The following ZNF583 variants were observed in gnomAD, a reference collection of about 807,000 sequenced individuals.
ZNF583 encodes zinc finger protein L3-5.
A neutral mutation model predicts 55.3 loss-of-function variants in ZNF583; 30 were observed. The observed-to-expected ratio is 0.54, with a 90% CI of 0.41 to 0.74. The LOEUF (loss-of-function observed/expected upper bound fraction) is 0.74, where lower values mean the gene tolerates loss of function less well. ZNF583 is among the 30% of genes least tolerant of loss of function. The pLI, the probability that ZNF583 is intolerant of heterozygous loss-of-function variation, is 0.00. For synonymous variants in ZNF583, 208 were observed against 220.0 expected, an observed-to-expected ratio of 0.95 and a Z score of 0.48; for missense variants, 504 against 664.7, an observed-to-expected ratio of 0.76 and a Z score of 2.66.
Position 56,414,098 on chromosome 19 carries a change from C to T in ZNF583, c.136+13C>T, listed in dbSNP as rs1459261125. 1 of 1,570,352 alleles carries T rather than the reference C, an allele frequency of 6.4e-7. No homozygotes were observed. Among genetic ancestry groups the T allele is most frequent in the African/African-American group, 1.4e-5 (1 of 73,158 alleles). The stretch of plus-strand genomic sequence containing the variant: ...TTGGTATCATTGGGTAAGGACATGT[C>T]CCCTTAATTCAGAATCTGTACATGG... On this transcript the variant is annotated intron_variant, in intron 3 of 4. Transcript: ENST00000333201.
intron 4 of ZNF583, chr19:56,421,481 GA>G (rs1345268435): frequency 1.5e-5 from 15 of 985,230 alleles, no homozygotes; most frequent in Non-Finnish European, 1.8e-5. Context: ...GTGGAATTTG[GA>G]AGGGCACTGA....
rs370578438 is a variant in ZNF583, at chr19:56,423,357, T to A, written c.699T>A (p.Ile233=). ...QSSSLTLHQR[I]HTGEKPYACV... ...CATCCCTTACTCTTCATCAGAGAAT[T>A]CATACTGGAGAGAAACCCTATGCAT... The change falls in exon 5 of 5, where the codon ATT becomes ATA. Residue 233 remains isoleucine, a synonymous_variant. Transcript: ENST00000333201. 42 of 1,613,968 alleles carry A rather than the reference T, an allele frequency of 2.6e-5. No homozygotes were observed. The highest frequency in any genetic ancestry group is 3.5e-5 in the Non-Finnish European group (41 of 1,179,984).
intron 4 of ZNF583, among the ~76,000 whole-genome samples, chr19:56,420,608 T>G (rs1335375436): frequency 6.6e-6 from 1 of 152,212 alleles, no homozygotes; most frequent in Non-Finnish European, 1.5e-5. Context: ...GCACAGACAT[T>G]AAAGATTATT....
At position 56,409,541 on chromosome 19, in the gene ZNF583, G is replaced by T. The variant is rs534004084; in HGVS notation, c.9+2418G>T. ...TTTTGAGATGGGGTCTCACTATTTT[G>T]CCCAGGCTGGTTTTGAACTTCTGGC... On this transcript the variant is annotated intron_variant, in intron 2 of 4. Transcript: ENST00000333201. Among the ~76,000 whole-genome samples, 8 of 152,092 alleles carry T rather than the reference G, an allele frequency of 5.3e-5. No individual in the cohort carries two copies. The South Asian group carries it at 1.7e-3, about 32-fold the overall frequency.
At chr19:56,422,783 A>T (rs2042436164) in intron 4 of ZNF583, 108 bp from the exon 5 acceptor site, 1 of 751,968 alleles carries the variant, frequency 1.3e-6, no homozygotes, top group African/African-American at 1.8e-5. Flanking sequence ...AATGCATTAT[A>T]AGCTTTTAAA....
In ZNF583 at chr19:56,424,561, C is replaced by G. The variant is rs2042475131; in HGVS notation, c.*193C>G. ...AATATGTTTAATCTCATTTCTCCCT[C>G]ATTAAAATCCCTCAGTGGCATCCCA... On this transcript the variant is annotated 3_prime_UTR_variant, in exon 5 of 5. Coordinates refer to ENST00000333201, the MANE Select transcript of ZNF583 (RefSeq NM_152478.3). The G allele has an allele frequency of 5.9e-6, 3 of 506,840 alleles. No homozygotes were observed. The East Asian group carries it at 9.2e-5, about 16-fold the overall frequency. 31.4% of individuals were successfully genotyped at this position (506,840 alleles called of 1,614,324 possible).
intron 2 of ZNF583, among the ~76,000 whole-genome samples, chr19:56,410,333 A>T (rs1457372952): frequency 6.6e-6 from 1 of 152,216 alleles, no homozygotes; most frequent in Non-Finnish European, 1.5e-5. Context: ...CCTGGTCTCA[A>T]TGGAGAGAAT....
At chr19:56,421,763 G>C (rs1165090702) in intron 4 of ZNF583, among the ~76,000 whole-genome samples, 1 of 151,956 alleles carries the variant, frequency 6.6e-6, no homozygotes, top group Non-Finnish European at 1.5e-5. Flanking sequence ...TCAAGGGTGA[G>C]AAAAAAACTT....
intron 4 of ZNF583, among the ~76,000 whole-genome samples, chr19:56,418,607 CTTTACA>C (rs1056072997): frequency 6.6e-5 from 10 of 152,096 alleles, no homozygotes; most frequent in African/African-American, 2.4e-4. Context: ...TTTATATTAG[CTTTACA>C]TCTTATGACC....
chr19:56,420,601 C>G (rs1285885040), intron 4 of ZNF583, among the ~76,000 whole-genome samples: 2 of 152,152 alleles, frequency 1.3e-5, no homozygotes, highest in South Asian at 2.1e-4. Flanking sequence ...ATTAGGTGCA[C>G]AGACATTAAA....
At chr19:56,421,652 A>G in intron 4 of ZNF583, 1 of 276,356 alleles carries the variant, frequency 3.6e-6, no homozygotes, top group Non-Finnish European at 5.5e-6. Flanking sequence ...TTCTAATAAG[A>G]GGATGAATTA....
rs1163628746 is a variant in ZNF583, at chr19:56,404,605, CTG to C, written c.-90+158_-90+159del. ...GAATCGTGTGTGAGACCATGTGTGA[CTG>C]TGTGAGAATTTGAGACCGTGTGTGA... On this transcript the variant is annotated intron_variant, in intron 1 of 4. Transcript: ENST00000333201. This position sits in a 1 kb window ranked among gnomAD's most constrained non-coding sequence, Gnocchi z 5.2. Among the ~76,000 whole-genome samples the C allele has an allele frequency of 6.6e-6, 1 of 151,752 alleles. No individual in the cohort carries two copies. The highest frequency in any genetic ancestry group is 2.4e-5 in the African/African-American group (1 of 41,282).
rs2042457043 is a variant in ZNF583, at chr19:56,423,689, G to T, written c.1031G>T (p.Arg344Ile). 1.2e-6 allele frequency: 2 copies of T among 1,613,978 alleles called. No homozygotes were observed. Among genetic ancestry groups the T allele is most frequent in the Admixed American group, 1.7e-5 (1 of 59,978 alleles). ...SNGSFLAQHQ[R>I]IHTGEKPYVC... The stretch of plus-strand genomic sequence containing the variant: ...GGTTCATTTCTTGCTCAGCATCAGA[G>T]AATTCATACAGGAGAGAAACCTTAT... Residue 344 changes from arginine to isoleucine, a missense_variant, in exon 5 of 5, where the codon AGA (arginine) becomes ATA (isoleucine). Arg to Ile is a moderately conservative substitution (Grantham distance 97). Transcript: ENST00000333201.
intron 4 of ZNF583, among the ~76,000 whole-genome samples, chr19:56,418,537 T>C (rs1254606573): frequency 5.3e-5 from 8 of 152,368 alleles, no homozygotes; most frequent in Admixed American, 5.2e-4. Flanking sequence ...AAATAGAATT[T>C]TTTTTAACAA....
At chr19:56,414,674 C>G in intron 4 of ZNF583, 1 of 437,222 alleles carries the variant, frequency 2.3e-6, no homozygotes, top group Non-Finnish European at 4.1e-6. Flanking sequence ...ACCCATTTTC[C>G]TATTGTTGGA....
Position 56,423,290 on chromosome 19 carries a change from T to C in ZNF583, c.632T>C (p.Leu211Pro), listed in dbSNP as rs748142208. 12 of 1,608,622 alleles carry C rather than the reference T, an allele frequency of 7.5e-6. No homozygotes were observed. In the Admixed American group the frequency reaches 1.9e-4, roughly 25 times the overall value. Residue 211 changes from leucine (L) to proline (P), a missense_variant, in exon 5 of 5, where the codon CTT becomes CCT. By Grantham distance (98) the Leu-to-Pro change is moderately conservative. Coordinates refer to ENST00000333201, the MANE Select transcript of ZNF583 (RefSeq NM_152478.3). ...KHRKVYVEKK[L>P]LKCNDCEKVF... The stretch of plus-strand genomic sequence containing the variant: ...AGGAAAGTCTATGTAGAAAAGAAAC[T>C]TTTGAAATGTAATGATTGTGAGAAA...
Position 56,425,401 on chromosome 19 carries a change from G to C in ZNF583, c.*1033G>C, listed in dbSNP as rs564858590. On this transcript the variant is annotated 3_prime_UTR_variant, in exon 5 of 5. Coordinates refer to ENST00000333201, the MANE Select transcript of ZNF583 (RefSeq NM_152478.3). ...ATTTTTGTATTTTTAGTAGAGAGAGGGTTTTGACATGTCGGCCAGGCTTTT... is the reference window on the plus strand; with the variant it reads ...ATTTTTGTATTTTTAGTAGAGAGAGCGTTTTGACATGTCGGCCAGGCTTTT... The C allele has an allele frequency of 6.6e-6, 1 of 152,064 alleles. No homozygotes were observed. The highest frequency in any genetic ancestry group is 6.6e-5 in the Admixed American group (1 of 15,246). 9.4% of individuals were successfully genotyped at this position (152,064 alleles called of 1,614,324 possible).
In ZNF583 at chr19:56,423,490, A is replaced by G. The variant is rs1385633608; in HGVS notation, c.832A>G (p.Ser278Gly). ...YECKECRKAF[S>G]QNAHLAQHQR... ...ATGTAAAGAATGTAGGAAAGCCTTC[A>G]GCCAGAATGCACACCTGGCCCAACA... is the stretch of plus-strand genomic sequence containing the variant. The change falls in exon 5 of 5, where the codon AGC (serine) becomes GGC (glycine). Residue 278 changes from serine (S) to glycine (G), a missense_variant. By Grantham distance (56) the Ser-to-Gly change is moderately conservative. Coordinates refer to ENST00000333201, the MANE Select transcript of ZNF583 (RefSeq NM_152478.3). 2 of 1,614,090 alleles carry G rather than the reference A, an allele frequency of 1.2e-6. No homozygotes were observed. Among genetic ancestry groups the G allele is most frequent in the Admixed American group, 3.3e-5 (2 of 60,020 alleles).
intron 1 of ZNF583, among the ~76,000 whole-genome samples, chr19:56,406,634 G>A (rs2042154686): frequency 6.9e-6 from 1 of 145,816 alleles, no homozygotes; most frequent in South Asian, 2.2e-4. Context: ...CTGGGTTCAC[G>A]CCATTCTCCT....
Sources: gnomAD v4.1 joint callset for allele counts (sites outside exome capture counted in the v4.1 genomes callset) on GRCh38, gnomAD v4.1.1 for gene constraint, Gnocchi (gnomAD v3.1) non-coding constraint, MANE v1.5 for transcripts, NCBI Gene and HGNC (gene_info 2026-07-23, HGNC 2026-07-21) for gene names.